The following FUT8 variants were observed in gnomAD, a reference collection of about 807,000 sequenced individuals.
The protein encoded by FUT8 is alpha-(1,6)-fucosyltransferase.
A neutral mutation model predicts 71.3 loss-of-function variants in FUT8; 29 were observed. The ratio of observed to expected loss-of-function variants is 0.41; its 90% CI spans 0.30 to 0.55. FUT8 has a LOEUF of 0.55. FUT8 is among the 20% of genes least tolerant of loss of function. The pLI is 0.34. For synonymous variants in FUT8, 254 were observed against 239.3 expected (o/e 1.06, Z -0.57); for missense variants, 544 against 702.1 (o/e 0.77, Z 2.55).
intron 7 of FUT8, among the ~76,000 whole-genome samples, chr14:65,688,927 C>G (rs1893437442): frequency 6.6e-6 from 1 of 152,122 alleles, no homozygotes; most frequent in Non-Finnish European, 1.5e-5. Context: ...TGTGTCTCTT[C>G]CTCTTCTTCT....
At chr14:65,498,992 G>A (rs112144798) in intron 2 of FUT8, among the ~76,000 whole-genome samples, 1 of 152,172 alleles carries the variant, frequency 6.6e-6, no homozygotes, top group African/African-American at 2.4e-5. Flanking sequence ...TAGTTGTAGG[G>A]ATGAATTAAG....
intron 6 of FUT8, among the ~76,000 whole-genome samples, chr14:65,649,330 G>A (rs8014146): frequency 0.062 from 9,493 of 152,242 alleles, 542 homozygotes; most frequent in African/African-American, 0.15. Flanking sequence ...GGAAGGGATT[G>A]TTTTATTTTA....
At chr14:65,540,440 A>G (rs753157080) in intron 2 of FUT8, among the ~76,000 whole-genome samples, 1 of 152,208 alleles carries the variant, frequency 6.6e-6, no homozygotes, top group African/African-American at 2.4e-5. Flanking sequence ...CACTTTATTG[A>G]AAGTGTAATA....
chr14:65,546,646 T>A (rs968416819), intron 2 of FUT8, among the ~76,000 whole-genome samples: 1 of 151,884 alleles, frequency 6.6e-6, no homozygotes, highest in South Asian at 2.1e-4. Flanking sequence ...CATGTACTAG[T>A]CTTTGTATGG....
At chr14:65,538,266 G>A (rs140791545) in intron 2 of FUT8, among the ~76,000 whole-genome samples, 62 of 152,310 alleles carry the variant, frequency 4.1e-4, no homozygotes, top group African/African-American at 1.4e-3. Flanking sequence ...GATTCCAGAG[G>A]CCTGTGGCCA....
chr14:65,650,368 G>C (rs1432659718), intron 6 of FUT8, among the ~76,000 whole-genome samples: 6 of 149,054 alleles, frequency 4.0e-5, no homozygotes, highest in African/African-American at 1.5e-4. Context: ...GGCCTAATTG[G>C]TTCACTGTTC....
chr14:65,367,177 A>T, the FUT8 span, among the ~76,000 whole-genome samples: 9 of 152,264 alleles, frequency 5.9e-5, no homozygotes, highest in African/African-American at 1.7e-4. Flanking sequence ...TCCCCATGGG[A>T]TGGAGCAGTG....
At chr14:65,632,569 T>A (rs1047505334) in intron 6 of FUT8, among the ~76,000 whole-genome samples, 2 of 150,726 alleles carry the variant, frequency 1.3e-5, no homozygotes, top group African/African-American at 4.9e-5. Flanking sequence ...TTTGGTGGGA[T>A]TTTTTTTTTC....
chr14:65,684,802 G>GT (rs1182118387), intron 7 of FUT8, among the ~76,000 whole-genome samples: 2 of 152,208 alleles, frequency 1.3e-5, no homozygotes, highest in Admixed American at 6.5e-5. Context: ...CACCATGATT[G>GT]TAAGTTTCCT....
Position 65,724,337 on chromosome 14 carries a change from A to G in FUT8, c.1259+14A>G, listed in dbSNP as rs1185662044. 7 of 1,550,866 alleles carry G rather than the reference A, an allele frequency of 4.5e-6. No individual in the cohort carries two copies. The highest frequency in any genetic ancestry group is 1.7e-4 in the Middle Eastern group (1 of 5,870). On this transcript the variant is annotated intron_variant, in intron 9 of 10. Coordinates refer to ENST00000673929, the MANE Select transcript of FUT8 (RefSeq NM_001371533.1). Reference sequence around the variant, plus strand: ...GGCAAAAACAAAGTAAGTTAGACCAACTAGTGATTCTAGAGTGGGGTTGTC... The same window carrying G: ...GGCAAAAACAAAGTAAGTTAGACCAGCTAGTGATTCTAGAGTGGGGTTGTC...
chr14:65,541,788 A>G (rs974823626), intron 2 of FUT8, among the ~76,000 whole-genome samples: 7 of 152,194 alleles, frequency 4.6e-5, no homozygotes, highest in African/African-American at 1.7e-4. Flanking sequence ...CCATTATAAG[A>G]TATTTTGGTT....
At position 65,603,731 on chromosome 14, in the gene FUT8, A is replaced by T. The variant is rs1171972709; in HGVS notation, c.204-12247A>T. Among the ~76,000 whole-genome samples the T allele has an allele frequency of 1.3e-5, 2 of 151,830 alleles. No individual in the cohort carries two copies. Among genetic ancestry groups the T allele is most frequent in the African/African-American group, 4.8e-5 (2 of 41,392 alleles). On this transcript the variant is annotated intron_variant, in intron 3 of 10. Coordinates refer to ENST00000673929, the MANE Select transcript of FUT8 (RefSeq NM_001371533.1). This position sits in a 1 kb window ranked among gnomAD's most constrained non-coding sequence, Gnocchi z 4.5. ...AAAATCCAAGGTATACAGGCAACAG[A>T]TAGGACGATGAATGGAATAGTACCT... is the stretch of plus-strand genomic sequence containing the variant.
chr14:65,388,214 GA>G, the FUT8 span, among the ~76,000 whole-genome samples: 1 of 152,192 alleles, frequency 6.6e-6, no homozygotes, highest in Admixed American at 6.5e-5. Context: ...AATAGATAAA[GA>G]AGGAGTCTTT....
chr14:65,460,778 C>T (rs1412453012), intron 2 of FUT8, among the ~76,000 whole-genome samples: 2 of 152,096 alleles, frequency 1.3e-5, no homozygotes, highest in Non-Finnish European at 2.9e-5. Context: ...TTGGATCTTT[C>T]AGTGGTGGCG....
intron 3 of FUT8, among the ~76,000 whole-genome samples, chr14:65,572,525 A>G (rs1448584274): frequency 6.6e-6 from 1 of 152,182 alleles, no homozygotes; most frequent in East Asian, 1.9e-4. Context: ...TGGTGGCTCT[A>G]AAAGTCACTG....
At chr14:65,540,524 A>G (rs1392714521) in intron 2 of FUT8, among the ~76,000 whole-genome samples, 1 of 152,224 alleles carries the variant, frequency 6.6e-6, no homozygotes, top group Non-Finnish European at 1.5e-5. Context: ...GAGTGGTGGA[A>G]GAGAAAGCTA....
intron 6 of FUT8, among the ~76,000 whole-genome samples, chr14:65,637,755 G>A (rs1890634246): frequency 6.6e-6 from 1 of 152,074 alleles, no homozygotes; most frequent in Admixed American, 6.5e-5. Context: ...CAAAAGGAAA[G>A]GTCTCAGCAA....
rs1243376504 is a variant in FUT8, at chr14:65,743,833, TA to T, written c.*1424del. ...TCCTTATTGTATGTAGCCTGCCTCC[TA>T]CAGAGGCCTGGTAGGTGTTACTGCA... On this transcript the variant is annotated 3_prime_UTR_variant, in exon 11 of 11. Transcript: ENST00000673929. The T allele has an allele frequency of 2.0e-5, 3 of 151,886 alleles. No homozygotes were observed. The highest frequency in any genetic ancestry group is 2.0e-4 in the Admixed American group (3 of 15,226). 9.4% of individuals were successfully genotyped at this position (151,886 alleles called of 1,614,324 possible).
At chr14:65,451,630 G>T (rs893055703) in intron 1 of FUT8, among the ~76,000 whole-genome samples, 4 of 152,190 alleles carry the variant, frequency 2.6e-5, no homozygotes, top group African/African-American at 9.7e-5. Flanking sequence ...GAGGTTACAT[G>T]AATGAATTGA....
Sources: gnomAD v4.1 joint callset for allele counts (sites outside exome capture counted in the v4.1 genomes callset) on GRCh38, gnomAD v4.1.1 for gene constraint, Gnocchi (gnomAD v3.1) non-coding constraint, MANE v1.5 for transcripts, NCBI Gene and HGNC (gene_info 2026-07-23, HGNC 2026-07-21) for gene names.